Variants in BTC observed in about 807,000 individuals in gnomAD.
The protein encoded by BTC is probetacellulin.
BTC carries 13 observed loss-of-function variants against 18.1 expected under a neutral mutation model. That is an observed-to-expected ratio of 0.72 (90% CI 0.47 to 1.14). BTC has a LOEUF of 1.14. Ranked by LOEUF, BTC falls within the 50% of genes most tolerant of loss-of-function variation. BTC has a pLI of 0.00. For missense variants in BTC, 247 were observed against 224.2 expected (o/e 1.10, Z -0.65); for synonymous variants, 83 against 79.4 (o/e 1.05, Z -0.24).
chr4:74,793,099 G>A (rs1725677537), intron 1 of BTC, among the ~76,000 whole-genome samples: 1 of 152,236 alleles, frequency 6.6e-6, no homozygotes, highest in African/African-American at 2.4e-5. Context: ...AAAAGCATCA[G>A]TACTATTTCT....
intron 2 of BTC, among the ~76,000 whole-genome samples, chr4:74,766,769 G>C (rs1259078310): frequency 6.6e-6 from 1 of 151,978 alleles, no homozygotes; most frequent in Non-Finnish European, 1.5e-5. Flanking sequence ...AGCCAGCATT[G>C]CCCTGATACC....
chr4:74,753,326 T>A (rs1376122686), intron 3 of BTC, among the ~76,000 whole-genome samples: 1 of 152,164 alleles, frequency 6.6e-6, no homozygotes, highest in Non-Finnish European at 1.5e-5. Context: ...ACCTTTGAGG[T>A]ATGTGTTATC....
intron 1 of BTC, among the ~76,000 whole-genome samples, chr4:74,783,466 T>C (rs1399021739): frequency 2.0e-5 from 3 of 152,132 alleles, no homozygotes; most frequent in African/African-American, 7.2e-5. Flanking sequence ...TATGTGTCTG[T>C]TCTTGTGCCA....
At chr4:74,786,515 G>T (rs567448037) in intron 1 of BTC, among the ~76,000 whole-genome samples, 1 of 152,140 alleles carries the variant, frequency 6.6e-6, no homozygotes, top group African/African-American at 2.4e-5. Flanking sequence ...TATAGGAGCC[G>T]CCAAAAGTTT....
chr4:74,770,113 G>A lies in BTC; in HGVS notation c.108C>T (p.Thr36=). ...LHCVVADGNS[T]RSPETNGLLC... ...GGAGGCCATTAGTTTCAGGACTTCT[G>A]GTGGAATTCCCATCTGCCACCACAC... Residue 36 remains threonine (T), a synonymous_variant, in exon 2 of 6, where the codon ACC becomes ACT. Coordinates refer to ENST00000395743, the MANE Select transcript of BTC (RefSeq NM_001729.4). The A allele has an allele frequency of 6.2e-7, 1 of 1,613,062 alleles. No individual in the cohort carries two copies. Among genetic ancestry groups the A allele is most frequent in the Non-Finnish European group, 8.5e-7 (1 of 1,179,494 alleles).
At chr4:74,792,159 G>A (rs923522515) in intron 1 of BTC, among the ~76,000 whole-genome samples, 2 of 152,136 alleles carry the variant, frequency 1.3e-5, no homozygotes, top group African/African-American at 2.4e-5. Context: ...AACAAATTAC[G>A]TTCCTTAGCA....
chr4:74,773,302 C>T (rs916055197), intron 1 of BTC, among the ~76,000 whole-genome samples: 9 of 152,078 alleles, frequency 5.9e-5, no homozygotes, highest in Admixed American at 2.6e-4. Flanking sequence ...AGCAGGTGAC[C>T]CCTTTAAGTG....
intron 3 of BTC, among the ~76,000 whole-genome samples, chr4:74,754,178 TAAG>T (rs1272576170): frequency 6.6e-6 from 1 of 152,220 alleles, no homozygotes; most frequent in Non-Finnish European, 1.5e-5. Context: ...ATTCCTCTAC[TAAG>T]AAGATGTTCC....
intron 1 of BTC, among the ~76,000 whole-genome samples, chr4:74,771,321 T>C (rs1372777843): frequency 6.6e-6 from 1 of 152,330 alleles, no homozygotes; most frequent in African/African-American, 2.4e-5. Context: ...AATTACTTAT[T>C]GTTATGCAAC....
intron 4 of BTC, among the ~76,000 whole-genome samples, chr4:74,749,213 T>C (rs1188817411): frequency 6.6e-6 from 1 of 152,020 alleles, no homozygotes; most frequent in East Asian, 1.9e-4. Flanking sequence ...GTGGATCAAC[T>C]TGAGGTCAGG....
At chr4:74,760,733 CATT>C (rs1560713447) in intron 2 of BTC, among the ~76,000 whole-genome samples, 3 of 117,848 alleles carry the variant, frequency 2.5e-5, no homozygotes, top group Admixed American at 1.0e-4. Flanking sequence ...ATTAGCATGT[CATT>C]TTTTTTTTTT....
intron 1 of BTC, among the ~76,000 whole-genome samples, chr4:74,790,929 G>C (rs1725607313): frequency 6.6e-6 from 1 of 152,200 alleles, no homozygotes; most frequent in African/African-American, 2.4e-5. Flanking sequence ...AGGTGTAGGA[G>C]ACAGCTAGGA....
intron 1 of BTC, among the ~76,000 whole-genome samples, chr4:74,784,233 A>G (rs1725416552): frequency 1.6e-5 from 2 of 125,664 alleles, no homozygotes; most frequent in South Asian, 2.4e-4. Context: ...TTCTCTCTCG[A>G]AAAAAAAAAA....
chr4:74,757,129 T>C (rs903134662), intron 2 of BTC, among the ~76,000 whole-genome samples: 4 of 152,184 alleles, frequency 2.6e-5, no homozygotes, highest in African/African-American at 9.6e-5. Flanking sequence ...CAGAAGAGCA[T>C]GTCACGCTAG....
At chr4:74,780,307 C>G (rs745948091) in intron 1 of BTC, among the ~76,000 whole-genome samples, 20 of 152,166 alleles carry the variant, frequency 1.3e-4, no homozygotes, top group Non-Finnish European at 2.8e-4. Flanking sequence ...AAACCACTCA[C>G]TAAGTATTTA....
At chr4:74,749,678 A>ATTTT (rs1560708204) in intron 4 of BTC, among the ~76,000 whole-genome samples, 1 of 90,626 alleles carries the variant, frequency 1.1e-5, no homozygotes, top group Non-Finnish European at 2.3e-5. Context: ...TTAATAAGAT[A>ATTTT]GTTTTTTTTG....
chr4:74,764,400 A>G (rs931500190), intron 2 of BTC, among the ~76,000 whole-genome samples: 2 of 152,122 alleles, frequency 1.3e-5, no homozygotes, highest in African/African-American at 4.8e-5. Flanking sequence ...ATGGGCATAG[A>G]CCAAAATGAA....
In BTC at chr4:74,759,270, C is replaced by A. The variant is rs75880577; in HGVS notation, c.164-3294G>T. On this transcript the variant is annotated intron_variant, in intron 2 of 5. Transcript: ENST00000395743. Reference sequence around the variant, plus strand: ...GATTGGTCCTAAGTGTCGTATTTCTCTGCTGTAAAGTGAATGACATAGTCT... The same window carrying A: ...GATTGGTCCTAAGTGTCGTATTTCTATGCTGTAAAGTGAATGACATAGTCT... Among the ~76,000 whole-genome samples the A allele has an allele frequency of 5.9e-3, 894 of 152,144 alleles. 8 individuals are homozygous for A. Among genetic ancestry groups the A allele is most frequent in the African/African-American group, 0.021 (864 of 41,412 alleles).
chr4:74,782,170 A>G (rs1296097097), intron 1 of BTC, among the ~76,000 whole-genome samples: 2 of 152,066 alleles, frequency 1.3e-5, no homozygotes. Context: ...TTACACAGGT[A>G]AACATGTACC....
Sources: gnomAD v4.1 joint callset for allele counts (sites outside exome capture counted in the v4.1 genomes callset) on GRCh38, gnomAD v4.1.1 for gene constraint, MANE v1.5 for transcripts, NCBI Gene and HGNC (gene_info 2026-07-23, HGNC 2026-07-21) for gene names.